The following PDGFC variants were observed in gnomAD, a reference collection of about 807,000 sequenced individuals.
PDGFC encodes platelet-derived growth factor C.
Under a neutral mutation model 35.5 loss-of-function variants are expected in PDGFC, and 12 were observed. That is an observed-to-expected ratio of 0.34 (90% CI 0.22 to 0.55). The LOEUF (loss-of-function observed/expected upper bound fraction) is 0.55, where lower values mean the gene tolerates loss of function less well. PDGFC is among the 20% of genes least tolerant of loss of function. The probability of loss-of-function intolerance (pLI) is 0.91; values close to 1 mark genes in which losing one functional copy is unlikely to be tolerated. For missense variants in PDGFC, 322 were observed against 412.4 expected, an observed-to-expected ratio of 0.78 and a Z score of 1.90; for synonymous variants, 159 against 148.8, an observed-to-expected ratio of 1.07 and a Z score of -0.50.
intron 1 of PDGFC, among the ~76,000 whole-genome samples, chr4:156,860,038 G>A (rs1020011652): frequency 2.0e-5 from 3 of 152,178 alleles, no homozygotes; most frequent in African/African-American, 7.2e-5. Flanking sequence ...TCAAGGGACA[G>A]TGGTACTAAA....
At chr4:156,950,401 T>G (rs1483969226) in intron 1 of PDGFC, among the ~76,000 whole-genome samples, 1 of 151,852 alleles carries the variant, frequency 6.6e-6, no homozygotes. Flanking sequence ...TTGGTCACTT[T>G]CCCAAACTTC....
Position 156,772,885 on chromosome 4 carries a change from T to C in PDGFC, c.504A>G (p.Thr168=). 1.2e-6 allele frequency: 2 copies of C among 1,608,934 alleles called. No individual in the cohort carries two copies. The highest frequency in any genetic ancestry group is 1.7e-6 in the Non-Finnish European group (2 of 1,175,460). ...IHYNIVMPQF[T]EAVSPSVLPP... The stretch of plus-strand genomic sequence containing the variant: ...GTAGCACTGAAGGACTCACAGCTTC[T>C]GTGAATTGCTGAAAGTAAAATGAAT... Residue 168 remains threonine, a synonymous_variant, in exon 4 of 6, where the codon ACA becomes ACG. Coordinates refer to ENST00000502773, the MANE Select transcript of PDGFC (RefSeq NM_016205.3).
chr4:156,946,453 T>G (rs2110924256), intron 1 of PDGFC, among the ~76,000 whole-genome samples: 1 of 152,220 alleles, frequency 6.6e-6, no homozygotes, highest in African/African-American at 2.4e-5. Context: ...TAGTGAGGTT[T>G]CCACCTTTGT....
chr4:156,872,839 T>C (rs1316664657), intron 1 of PDGFC, among the ~76,000 whole-genome samples: 1 of 152,186 alleles, frequency 6.6e-6, no homozygotes, highest in African/African-American at 2.4e-5. Flanking sequence ...TTTTACATTG[T>C]AAGATTGTCA....
At chr4:156,803,222 T>C (rs1208457342) in intron 3 of PDGFC, among the ~76,000 whole-genome samples, 1 of 151,984 alleles carries the variant, frequency 6.6e-6, no homozygotes, top group Admixed American at 6.6e-5. Flanking sequence ...ATTTACACAA[T>C]CTGAGGAACA....
At chr4:156,928,267 T>C (rs914301568) in intron 1 of PDGFC, among the ~76,000 whole-genome samples, 5 of 152,074 alleles carry the variant, frequency 3.3e-5, no homozygotes, top group African/African-American at 7.2e-5. Context: ...GTCTATGTGA[T>C]TTTTTTAAGA....
intron 1 of PDGFC, among the ~76,000 whole-genome samples, chr4:156,875,665 C>G (rs1317582754): frequency 6.6e-6 from 1 of 152,206 alleles, no homozygotes; most frequent in Non-Finnish European, 1.5e-5. Context: ...CGCCTGTAAT[C>G]CCAGCACTTT....
chr4:156,820,429 G>A, intron 2 of PDGFC, among the ~76,000 whole-genome samples: 1 of 152,160 alleles, frequency 6.6e-6, no homozygotes, highest in East Asian at 1.9e-4. Flanking sequence ...TGATCAGTCA[G>A]CAGCCACCAC....
intron 3 of PDGFC, among the ~76,000 whole-genome samples, chr4:156,789,124 T>C (rs929598951): frequency 6.6e-6 from 1 of 152,204 alleles, no homozygotes; most frequent in Admixed American, 6.5e-5. Context: ...AATCCACTGC[T>C]ACAATCTGAA....
rs1728778165 is a variant in PDGFC, at chr4:156,827,092, A to G, written c.315-16075T>C. 2.0e-5 allele frequency among the ~76,000 whole-genome samples: 3 copies of G among 152,202 alleles called. No individual in the cohort carries two copies. The South Asian group carries it at 6.2e-4, about 31-fold the overall frequency. On this transcript the variant is annotated intron_variant, in intron 2 of 5. Coordinates refer to ENST00000502773, the MANE Select transcript of PDGFC (RefSeq NM_016205.3). ...AGCTTAAGAAAAATTCTGTTCATCC[A>G]AGATAATTCATTATTCAAAATTTGC...
chr4:156,766,600 T>C (rs1185392982), intron 5 of PDGFC, among the ~76,000 whole-genome samples: 2 of 152,104 alleles, frequency 1.3e-5, no homozygotes, highest in African/African-American at 4.8e-5. Flanking sequence ...CATTTAAAAA[T>C]TACTCCATGA....
chr4:156,911,249 C>T (rs1731032440), intron 1 of PDGFC, among the ~76,000 whole-genome samples: 1 of 152,102 alleles, frequency 6.6e-6, no homozygotes, highest in African/African-American at 2.4e-5. Context: ...CACTTAAATA[C>T]TATGCTTTAT....
At chr4:156,780,726 A>G (rs1239181963) in intron 3 of PDGFC, among the ~76,000 whole-genome samples, 1 of 152,196 alleles carries the variant, frequency 6.6e-6, no homozygotes, top group African/African-American at 2.4e-5. Flanking sequence ...AGAGGGCAAC[A>G]GAAAAATCCC....
chr4:156,947,997 C>G (rs562230207), intron 1 of PDGFC, among the ~76,000 whole-genome samples: 1 of 151,760 alleles, frequency 6.6e-6, no homozygotes, highest in Non-Finnish European at 1.5e-5. Context: ...CAAGTCTCTA[C>G]GGTCTACACA....
chr4:156,766,369 C>T (rs1405715942), intron 5 of PDGFC, among the ~76,000 whole-genome samples: 1 of 152,056 alleles, frequency 6.6e-6, no homozygotes, highest in Non-Finnish European at 1.5e-5. Flanking sequence ...AAAATGTCTT[C>T]CCACAAAGAG....
intron 1 of PDGFC, among the ~76,000 whole-genome samples, chr4:156,902,570 C>T (rs550104878): frequency 6.6e-6 from 1 of 152,250 alleles, no homozygotes; most frequent in Admixed American, 6.5e-5. Context: ...GAATCACATG[C>T]AATTAACTTT....
intron 3 of PDGFC, among the ~76,000 whole-genome samples, chr4:156,797,404 A>T (rs2110902331): frequency 6.6e-6 from 1 of 152,272 alleles, no homozygotes; most frequent in African/African-American, 2.4e-5. Context: ...GTGATCTGAC[A>T]GAATTTAAAG....
intron 1 of PDGFC, among the ~76,000 whole-genome samples, chr4:156,855,874 T>A (rs1426621155): frequency 6.6e-6 from 1 of 152,160 alleles, no homozygotes; most frequent in East Asian, 1.9e-4. Context: ...ACTGGCTCCA[T>A]GAGCTGGTGT....
At chr4:156,964,502 C>A (rs1157671796) in intron 1 of PDGFC, among the ~76,000 whole-genome samples, 1 of 149,648 alleles carries the variant, frequency 6.7e-6, no homozygotes, top group Non-Finnish European at 1.5e-5. Flanking sequence ...ATATACCATT[C>A]CATTTGACTA....
Sources: gnomAD v4.1 joint callset for allele counts (sites outside exome capture counted in the v4.1 genomes callset) on GRCh38, gnomAD v4.1.1 for gene constraint, MANE v1.5 for transcripts, NCBI Gene and HGNC (gene_info 2026-07-23, HGNC 2026-07-21) for gene names.